Variants in SGMS1 observed in about 807,000 individuals in gnomAD.
SGMS1 encodes sphingomyelin synthase 1, also known as phosphatidylcholine:ceramide cholinephosphotransferase 1.
In SGMS1, 13 loss-of-function variants were observed where a neutral mutation model predicts 46.2. That is an observed-to-expected ratio of 0.28 (90% CI 0.18 to 0.45). The LOEUF (loss-of-function observed/expected upper bound fraction) is 0.45, where lower values mean the gene tolerates loss of function less well. Among genes scored for constraint, SGMS1 ranks in the 20% least tolerant of loss-of-function variants. The pLI, the probability that SGMS1 is intolerant of heterozygous loss-of-function variation, is 1.00. For missense variants in SGMS1, 324 were observed against 519.9 expected (o/e 0.62, Z 3.66); for synonymous variants, 203 against 187.8 (o/e 1.08, Z -0.66).
intron 6 of SGMS1, among the ~76,000 whole-genome samples, chr10:50,389,549 G>A (rs932582922): frequency 3.9e-5 from 6 of 152,178 alleles, no homozygotes; most frequent in Non-Finnish European, 7.4e-5. Context: ...GCTGAGACTA[G>A]GCTATGAGAG....
intron 5 of SGMS1, among the ~76,000 whole-genome samples, chr10:50,436,731 C>T (rs529179852): frequency 1.3e-5 from 2 of 152,256 alleles, no homozygotes; most frequent in South Asian, 2.1e-4. Flanking sequence ...TGGCTGGCAT[C>T]AAAATCAAGA....
At chr10:50,535,298 C>T (rs574071126) in intron 2 of SGMS1, among the ~76,000 whole-genome samples, 42 of 152,260 alleles carry the variant, frequency 2.8e-4, no homozygotes, top group African/African-American at 9.1e-4. Context: ...CCTAGCTGTT[C>T]ATATGAAGCA....
At chr10:50,366,803 G>A (rs1207167243) in intron 6 of SGMS1, among the ~76,000 whole-genome samples, 1 of 152,142 alleles carries the variant, frequency 6.6e-6, no homozygotes, top group Non-Finnish European at 1.5e-5. Flanking sequence ...GCCTGTTGGA[G>A]GGTGGGGGGC....
intron 2 of SGMS1, among the ~76,000 whole-genome samples, chr10:50,542,077 C>T (rs1259444342): frequency 2.0e-5 from 3 of 152,152 alleles, no homozygotes; most frequent in Non-Finnish European, 4.4e-5. Context: ...AAAGCCACCA[C>T]CACTAGCATC....
At chr10:50,437,824 T>G (rs1244313066) in intron 5 of SGMS1, among the ~76,000 whole-genome samples, 1 of 152,204 alleles carries the variant, frequency 6.6e-6, no homozygotes, top group East Asian at 1.9e-4. Context: ...AAGACCTCAC[T>G]TTGGTCCTTT....
chr10:50,432,660 C>G (rs1229040913), intron 6 of SGMS1, among the ~76,000 whole-genome samples: 1 of 152,178 alleles, frequency 6.6e-6, no homozygotes, highest in African/African-American at 2.4e-5. Flanking sequence ...AATCATGACA[C>G]AAATATAAGG....
intron 2 of SGMS1, among the ~76,000 whole-genome samples, chr10:50,552,027 A>G (rs1428212460): frequency 1.3e-5 from 2 of 152,208 alleles, no homozygotes; most frequent in Non-Finnish European, 2.9e-5. Flanking sequence ...AGTCACACGC[A>G]ATATGCAAAC....
intron 6 of SGMS1, among the ~76,000 whole-genome samples, chr10:50,402,159 T>C (rs1848949471): frequency 6.6e-6 from 1 of 152,238 alleles, no homozygotes; most frequent in Non-Finnish European, 1.5e-5. Context: ...AATTACTGCA[T>C]CAGTCCGCAT....
rs59510112 is a variant in SGMS1, at chr10:50,499,983, A to T, written c.-498+19848T>A. On this transcript the variant is annotated intron_variant, in intron 3 of 10. Transcript: ENST00000361781. ...GGAGTTCGAGACCAGCCTGACCAAC[A>T]TGGTGAAATCCCGTCTCTACTGAAA... Among the ~76,000 whole-genome samples the T allele has an allele frequency of 0.026, 4,032 of 152,322 alleles. 484 individuals carry two copies. In the East Asian group the frequency reaches 0.36, roughly 14 times the overall value.
chr10:50,435,125 G>A (rs561929052), intron 5 of SGMS1, among the ~76,000 whole-genome samples: 2 of 152,128 alleles, frequency 1.3e-5, no homozygotes, highest in African/African-American at 2.4e-5. Flanking sequence ...ACACAGTAAG[G>A]TTTGATACAG....
intron 2 of SGMS1, among the ~76,000 whole-genome samples, chr10:50,582,886 T>G (rs1838448155): frequency 6.6e-6 from 1 of 152,174 alleles, no homozygotes; most frequent in South Asian, 2.1e-4. Flanking sequence ...AGGGAAGAAG[T>G]CAGGTCCAAA....
chr10:50,620,546 T>G (rs1049583896), intron 1 of SGMS1, among the ~76,000 whole-genome samples: 2 of 152,178 alleles, frequency 1.3e-5, no homozygotes, highest in African/African-American at 4.8e-5. Flanking sequence ...CAAATTTGTG[T>G]GAGAAAATGC....
At chr10:50,574,206 A>C (rs1838360295) in intron 2 of SGMS1, among the ~76,000 whole-genome samples, 1 of 152,190 alleles carries the variant, frequency 6.6e-6, no homozygotes, top group Non-Finnish European at 1.5e-5. Flanking sequence ...CGGAGTGAAA[A>C]GGCAACCTAT....
intron 5 of SGMS1, among the ~76,000 whole-genome samples, chr10:50,442,282 C>G (rs1253359352): frequency 6.6e-6 from 1 of 151,390 alleles, no homozygotes; most frequent in Non-Finnish European, 1.5e-5. Context: ...ATTATTTCGT[C>G]ACCCAAGTAT....
At chr10:50,350,355 A>C (rs74932609) in intron 6 of SGMS1, among the ~76,000 whole-genome samples, 5,663 of 152,300 alleles carry the variant, frequency 0.037, 588 homozygotes, top group East Asian at 0.36. Context: ...TGATAAGGGA[A>C]AATCTGCAGC....
At chr10:50,622,767 G>A (rs1324193488) in intron 1 of SGMS1, among the ~76,000 whole-genome samples, 1 of 152,240 alleles carries the variant, frequency 6.6e-6, no homozygotes, top group Non-Finnish European at 1.5e-5. Flanking sequence ...CGGCACCAAA[G>A]AGGAAAGCAG....
At chr10:50,419,729 A>C (rs1002841691) in intron 6 of SGMS1, among the ~76,000 whole-genome samples, 2 of 152,074 alleles carry the variant, frequency 1.3e-5, no homozygotes, top group African/African-American at 4.8e-5. Context: ...GCCAAAAGAG[A>C]ATTTCTAGAT....
chr10:50,309,684 G>A (rs184126569), intron 9 of SGMS1, among the ~76,000 whole-genome samples: 12 of 152,124 alleles, frequency 7.9e-5, no homozygotes, highest in African/African-American at 2.7e-4. Flanking sequence ...ATCTGCTCAC[G>A]TACTAAGTAT....
At chr10:50,566,521 G>T (rs779622284) in intron 2 of SGMS1, among the ~76,000 whole-genome samples, 5 of 152,130 alleles carry the variant, frequency 3.3e-5, no homozygotes, top group South Asian at 4.1e-4. Flanking sequence ...CTCACATTCA[G>T]TTCGGTTTAA....
Sources: gnomAD v4.1 joint callset for allele counts (sites outside exome capture counted in the v4.1 genomes callset) on GRCh38, gnomAD v4.1.1 for gene constraint, MANE v1.5 for transcripts, NCBI Gene and HGNC (gene_info 2026-07-23, HGNC 2026-07-21) for gene names.